Variants in DSCC1 observed in about 807,000 individuals in gnomAD.
DSCC1 encodes the protein sister chromatid cohesion protein DCC1.
In DSCC1, 32 loss-of-function variants were observed where a neutral mutation model predicts 48.2. The observed-to-expected ratio is 0.66, with a 90% CI of 0.50 to 0.89. DSCC1 has a LOEUF of 0.89. DSCC1 is among the 40% of genes least tolerant of loss of function. The pLI is 0.00. For missense variants in DSCC1, 421 were observed against 471.7 expected (o/e 0.89, Z 1.00); for synonymous variants, 150 against 171.5 (o/e 0.87, Z 0.98).
At chr8:119,836,448 G>C (rs1259339349) in intron 8 of DSCC1, among the ~76,000 whole-genome samples, 3 of 152,164 alleles carry the variant, frequency 2.0e-5, no homozygotes, top group Non-Finnish European at 1.5e-5. Flanking sequence ...AAATAGAACA[G>C]GGAGACCAAT....
chr8:119,847,956 C>T lies in DSCC1; in HGVS notation c.487-876G>A, dbSNP rs563840133. Among the ~76,000 whole-genome samples the T allele has an allele frequency of 3.3e-5, 5 of 151,992 alleles. No homozygotes were observed. The East Asian group carries it at 5.8e-4, about 18-fold the overall frequency. The stretch of plus-strand genomic sequence containing the variant: ...CTTGGATTACAGGCGTGAGCCACCC[C>T]GCCTGGCCTCTTTTTGTTTTTGTTT... On this transcript the variant is annotated intron_variant, in intron 3 of 8. Transcript: ENST00000313655.
chr8:119,847,944 C>T (rs1427428138), intron 3 of DSCC1, among the ~76,000 whole-genome samples: 2 of 151,726 alleles, frequency 1.3e-5, no homozygotes, highest in Non-Finnish European at 2.9e-5. Flanking sequence ...GGATTACAGG[C>T]GTGAGCCACC....
At chr8:119,851,681 A>T (rs1358900617) in intron 2 of DSCC1, among the ~76,000 whole-genome samples, 7 of 152,004 alleles carry the variant, frequency 4.6e-5, no homozygotes, top group African/African-American at 1.7e-4. Context: ...CTACTTGGGG[A>T]CTGTGCTTTC....
chr8:119,834,903 G>T lies in DSCC1; in HGVS notation c.1172C>A (p.Pro391His), dbSNP rs1425154460. 6.3e-7 allele frequency: 1 copy of T among 1,592,032 alleles called. No individual in the cohort carries two copies. The highest frequency in any genetic ancestry group is 8.6e-7 in the Non-Finnish European group (1 of 1,163,038). Residue 391 changes from proline to histidine, a missense_variant, in exon 9 of 9, where the codon CCC (proline) becomes CAC (histidine). Pro to His is a moderately conservative substitution (Grantham distance 77). Transcript: ENST00000313655. The stretch of plus-strand genomic sequence containing the variant: ...AAGACCGTTGTTCTTTTAAGAAATG[G>T]GTCTTCTCGAATTATAAACTTTAAC... ...NGVKVYNSRR[P>H]IS is the part of the protein sequence containing the mutation.
At chr8:119,852,502 C>T (rs377686402) in intron 2 of DSCC1, among the ~76,000 whole-genome samples, 1 of 152,070 alleles carries the variant, frequency 6.6e-6, no homozygotes, top group Non-Finnish European at 1.5e-5. Context: ...TACAGGTGCA[C>T]GCCACCACGC....
At chr8:119,851,140 C>T (rs1261908036) in intron 2 of DSCC1, among the ~76,000 whole-genome samples, 1 of 152,200 alleles carries the variant, frequency 6.6e-6, no homozygotes, top group Non-Finnish European at 1.5e-5. Context: ...CCTGCACTTA[C>T]AGGACTTGCC....
chr8:119,851,003 A>T (rs1008976828), intron 2 of DSCC1, among the ~76,000 whole-genome samples: 1 of 152,206 alleles, frequency 6.6e-6, no homozygotes, highest in African/African-American at 2.4e-5. Context: ...TCTGTTTAAT[A>T]CAAGATCTTT....
At chr8:119,847,610 C>G (rs1826876022) in intron 3 of DSCC1, among the ~76,000 whole-genome samples, 1 of 151,844 alleles carries the variant, frequency 6.6e-6, no homozygotes, top group Non-Finnish European at 1.5e-5. Flanking sequence ...TATGAATGTA[C>G]TTGATGCTAC....
intron 2 of DSCC1, chr8:119,852,832 G>C: frequency 4.8e-6 from 2 of 418,228 alleles, no homozygotes; most frequent in East Asian, 7.6e-5. Flanking sequence ...ATTGGGACTT[G>C]AAAATCAAAA....
Position 119,838,457 on chromosome 8 carries a change from T to C in DSCC1, c.925-50A>G, listed in dbSNP as rs577107623. Reference sequence around the variant, plus strand: ...GCAGTTAAAGTAATGTTGTAATGTTTAAACATGACTCATTCTTTTACCTTT... The same window carrying C: ...GCAGTTAAAGTAATGTTGTAATGTTCAAACATGACTCATTCTTTTACCTTT... On this transcript the variant is annotated intron_variant, in intron 7 of 8. Transcript: ENST00000313655. The C allele has an allele frequency of 3.4e-6, 5 of 1,473,566 alleles. No individual in the cohort carries two copies. In the African/African-American group the frequency reaches 5.7e-5, roughly 17 times the overall value. 91.3% of individuals were successfully genotyped at this position (1,473,566 alleles called of 1,614,324 possible). A position where few individuals can be genotyped will look rare whatever the true frequency, so the allele number is the denominator to read the frequency against.
chr8:119,843,813 G>A, intron 4 of DSCC1, 66 bp from the exon 5 acceptor site: 1 of 1,509,102 alleles, frequency 6.6e-7, no homozygotes, highest in South Asian at 1.3e-5. Flanking sequence ...TCTCAACTCT[G>A]TCACCCAAGC....
rs532151381 is a variant in DSCC1, at chr8:119,852,519, A to G, written c.351+528T>C. Among the ~76,000 whole-genome samples the G allele has an allele frequency of 2.0e-5, 3 of 152,118 alleles. No homozygotes were observed. In the East Asian group the frequency reaches 5.8e-4, roughly 29 times the overall value. The stretch of plus-strand genomic sequence containing the variant: ...CAGGTGCACGCCACCACGCTTGGCT[A>G]ATTTTTTTGCATTTTAGTAGAGACA... On this transcript the variant is annotated intron_variant, in intron 2 of 8. Coordinates refer to ENST00000313655, the MANE Select transcript of DSCC1 (RefSeq NM_024094.3).
At chr8:119,835,518 CA>C (rs552177899) in intron 8 of DSCC1, among the ~76,000 whole-genome samples, 25 of 143,374 alleles carry the variant, frequency 1.7e-4, no homozygotes, top group South Asian at 4.6e-4. Context: ...AAAAAACAAA[CA>C]AAAAAAAAAG....
chr8:119,843,321 C>T (rs186400177), intron 5 of DSCC1, among the ~76,000 whole-genome samples: 2 of 152,140 alleles, frequency 1.3e-5, no homozygotes, highest in East Asian at 3.9e-4. Flanking sequence ...ATCTCCTGAC[C>T]TCATGATCCA....
At chr8:119,840,231 C>G (rs1826746843) in intron 7 of DSCC1, 6 of 152,194 alleles carry the variant, frequency 3.9e-5, no homozygotes, top group Admixed American at 3.9e-4. Context: ...AAAATGCCAT[C>G]AAAGTAGAGA....
intron 8 of DSCC1, among the ~76,000 whole-genome samples, chr8:119,835,789 C>T (rs1250246729): frequency 6.6e-6 from 1 of 152,138 alleles, no homozygotes; most frequent in Non-Finnish European, 1.5e-5. Flanking sequence ...GTTACCAATG[C>T]TTCCTGAACT....
intron 4 of DSCC1, 60 bp from the exon 5 acceptor site, chr8:119,843,807 A>C: frequency 7.2e-5 from 110 of 1,525,706 alleles, no homozygotes; most frequent in Non-Finnish European, 8.5e-5. Flanking sequence ...GCAGGGTCTC[A>C]ACTCTGTCAC....
intron 4 of DSCC1, among the ~76,000 whole-genome samples, chr8:119,846,461 A>C (rs1377953073): frequency 6.6e-6 from 1 of 152,194 alleles, no homozygotes; most frequent in Non-Finnish European, 1.5e-5. Flanking sequence ...CTAATTCAAA[A>C]AAATTGGAAG....
chr8:119,840,748 C>T (rs1314380863), intron 7 of DSCC1, among the ~76,000 whole-genome samples: 2 of 151,682 alleles, frequency 1.3e-5, no homozygotes, highest in Non-Finnish European at 2.9e-5. Context: ...CCCGTCTCTA[C>T]TAAGCATACA....
Sources: allele counts gnomAD v4.1 joint callset (sites outside exome capture counted in the v4.1 genomes callset), GRCh38; gene constraint gnomAD v4.1.1; transcripts MANE v1.5; gene names NCBI Gene and HGNC (gene_info 2026-07-23, HGNC 2026-07-21).